The following VWA3B variants were observed in gnomAD, a reference collection of about 807,000 sequenced individuals.
VWA3B encodes von Willebrand factor A domain containing 3B.
In VWA3B, 138 loss-of-function variants were observed where a neutral mutation model predicts 158.3. The ratio of observed to expected loss-of-function variants is 0.87; its 90% CI spans 0.76 to 1.00. VWA3B has a LOEUF of 1.00. Among genes scored for constraint, VWA3B ranks in the 50% least tolerant of loss-of-function variants. VWA3B has a pLI of 0.00. For synonymous variants in VWA3B, 596 were observed against 587.3 expected (o/e 1.01, Z -0.21); for missense variants, 1,555 against 1,565.1 (o/e 0.99, Z 0.11).
chr2:98,290,600 T>A lies in VWA3B; in HGVS notation c.3135T>A (p.Asp1045Glu). 6.3e-7 allele frequency: 1 copy of A among 1,595,226 alleles called. No individual in the cohort carries two copies. Among genetic ancestry groups the A allele is most frequent in the Non-Finnish European group, 8.5e-7 (1 of 1,174,304 alleles). ...GACAGAAGGTTATTGCAAGATGTGATGAAAATGGCTTTTATTTTCCAGGTA... is the reference window on the plus strand; with the variant it reads ...GACAGAAGGTTATTGCAAGATGTGAAGAAAATGGCTTTTATTTTCCAGGTA... ...LKGQKVIARCDENGFYFPGVV... is the reference protein window; with the variant it reads ...LKGQKVIARCEENGFYFPGVV... Residue 1045 changes from aspartate to glutamate, a missense_variant, in exon 23 of 28, where the codon GAT (aspartate) becomes GAA (glutamate). Transcript: ENST00000477737.
intron 7 of VWA3B, among the ~76,000 whole-genome samples, chr2:98,155,475 AGTT>A (rs1677988219): frequency 6.6e-6 from 1 of 152,080 alleles, no homozygotes; most frequent in Admixed American, 6.5e-5. Context: ...ACCACTTATT[AGTT>A]GTGTGGCCTT....
chr2:98,205,888 T>C (rs368075507), intron 12 of VWA3B, among the ~76,000 whole-genome samples: 2 of 152,240 alleles, frequency 1.3e-5, no homozygotes, highest in African/African-American at 4.8e-5. Flanking sequence ...TCAGAGGGCA[T>C]ACTCTGTATG....
At chr2:98,141,342 C>A (rs1432363467) in intron 7 of VWA3B, among the ~76,000 whole-genome samples, 1 of 152,168 alleles carries the variant, frequency 6.6e-6, no homozygotes, top group Non-Finnish European at 1.5e-5. Flanking sequence ...AGCAGGGCAC[C>A]AGCATCTGCT....
At chr2:98,292,208 A>T (rs2105953811) in intron 23 of VWA3B, 1 of 152,286 alleles carries the variant, frequency 6.6e-6, no homozygotes, top group South Asian at 2.1e-4. Context: ...ACTGCACTCC[A>T]GCCTGGGCGG....
intron 10 of VWA3B, 28 bp from the exon 11 acceptor site, chr2:98,192,870 A>T: frequency 1.2e-6 from 2 of 1,614,106 alleles, no homozygotes; most frequent in Non-Finnish European, 1.7e-6. Flanking sequence ...GGCTCTCACC[A>T]TTCACTTTCA....
At chr2:98,295,045 A>T (rs971540375) in intron 23 of VWA3B, among the ~76,000 whole-genome samples, 1 of 151,940 alleles carries the variant, frequency 6.6e-6, no homozygotes, top group Non-Finnish European at 1.5e-5. Flanking sequence ...CCTGGGGAGG[A>T]GGGAGCTGCT....
At chr2:98,171,449 G>C (rs1679574128) in intron 8 of VWA3B, among the ~76,000 whole-genome samples, 1 of 152,098 alleles carries the variant, frequency 6.6e-6, no homozygotes, top group Admixed American at 6.5e-5. Flanking sequence ...CCAGGAAGAA[G>C]AATAGCATAT....
At chr2:98,310,968 T>A (rs1690850441) in intron 26 of VWA3B, among the ~76,000 whole-genome samples, 1 of 152,266 alleles carries the variant, frequency 6.6e-6, no homozygotes, top group South Asian at 2.1e-4. Flanking sequence ...CTCTTTCTAC[T>A]TTATTGTTTT....
At chr2:98,178,194 T>G (rs1016742275) in intron 8 of VWA3B, among the ~76,000 whole-genome samples, 1 of 152,104 alleles carries the variant, frequency 6.6e-6, no homozygotes, top group African/African-American at 2.4e-5. Context: ...GAGAAGCCTC[T>G]GGCTTGAGCT....
chr2:98,112,106 G>T (rs1674176488), intron 2 of VWA3B, among the ~76,000 whole-genome samples: 1 of 152,088 alleles, frequency 6.6e-6, no homozygotes, highest in Admixed American at 6.6e-5. Context: ...AAAGGTAGGG[G>T]TCCAGTTTCA....
chr2:98,302,518 G>A (rs1056510741), intron 25 of VWA3B, among the ~76,000 whole-genome samples: 2 of 152,226 alleles, frequency 1.3e-5, no homozygotes, highest in Non-Finnish European at 2.9e-5. Context: ...AGATTGGTGA[G>A]CAAAAAGCCA....
chr2:98,134,019 C>G (rs150778038), intron 7 of VWA3B, 80 bp downstream of exon 7: 1 of 1,166,466 alleles, frequency 8.6e-7, no homozygotes, highest in Admixed American at 1.7e-5. Context: ...AAGTAAAGTA[C>G]GAGGGAGAGA....
At chr2:98,121,551 T>C (rs1240607203) in intron 5 of VWA3B, 93 bp downstream of exon 5, 3 of 1,501,124 alleles carry the variant, frequency 2.0e-6, no homozygotes, top group Non-Finnish European at 2.7e-6. Context: ...CTTCAACTGA[T>C]CTTGGGCCCC....
intron 6 of VWA3B, among the ~76,000 whole-genome samples, chr2:98,132,202 T>A (rs568161834): frequency 6.6e-6 from 1 of 152,344 alleles, no homozygotes; most frequent in East Asian, 1.9e-4. Flanking sequence ...CAGAAAAGGA[T>A]GAGGTATTGA....
chr2:98,171,087 A>G (rs1679543929), intron 8 of VWA3B, among the ~76,000 whole-genome samples: 1 of 152,252 alleles, frequency 6.6e-6, no homozygotes, highest in African/African-American at 2.4e-5. Context: ...GTGCTGTCAC[A>G]TAGTTAGAAT....
At chr2:98,152,887 A>C (rs1380536793) in intron 7 of VWA3B, among the ~76,000 whole-genome samples, 1 of 152,240 alleles carries the variant, frequency 6.6e-6, no homozygotes, top group Non-Finnish European at 1.5e-5. Flanking sequence ...TACTTTATAC[A>C]CAAGGGAGAA....
chr2:98,202,956 C>T (rs1158570291), intron 12 of VWA3B, among the ~76,000 whole-genome samples: 2 of 152,126 alleles, frequency 1.3e-5, no homozygotes, highest in Non-Finnish European at 2.9e-5. Context: ...CCTCAGCCTC[C>T]AGAGTAGCTA....
At chr2:98,129,815 A>G (rs770649677) in intron 6 of VWA3B, among the ~76,000 whole-genome samples, 23 of 152,154 alleles carry the variant, frequency 1.5e-4, no homozygotes, top group Non-Finnish European at 2.6e-4. Flanking sequence ...AATGGGTACA[A>G]CGTCTTCCCA....
chr2:98,264,699 A>T (rs1687686764), intron 21 of VWA3B, among the ~76,000 whole-genome samples: 1 of 152,042 alleles, frequency 6.6e-6, no homozygotes, highest in Admixed American at 6.5e-5. Context: ...TGTTTGGTGG[A>T]GGGTTCTCCA....
Sources: gnomAD v4.1 joint callset for allele counts (sites outside exome capture counted in the v4.1 genomes callset) on GRCh38, gnomAD v4.1.1 for gene constraint, MANE v1.5 for transcripts, NCBI Gene and HGNC (gene_info 2026-07-23, HGNC 2026-07-21) for gene names.